The following LRP1B variants were observed in gnomAD, a reference collection of about 807,000 sequenced individuals.
LRP1B encodes the protein low-density lipoprotein receptor-related protein 1B.
LRP1B carries 217 observed loss-of-function variants against 556.6 expected under a neutral mutation model. That is an observed-to-expected ratio of 0.39 (90% CI 0.35 to 0.44). LRP1B has a LOEUF of 0.44. Ranked by LOEUF, LRP1B falls within the 20% of genes least tolerant of loss-of-function variation. The pLI is 1.00. For synonymous variants in LRP1B, 2,047 were observed against 1,865.8 expected (o/e 1.10, Z -2.50); for missense variants, 5,053 against 5,620.8 (o/e 0.90, Z 3.23).
At chr2:141,836,035 C>T (rs969935013) in intron 1 of LRP1B, among the ~76,000 whole-genome samples, 4 of 152,050 alleles carry the variant, frequency 2.6e-5, no homozygotes, top group African/African-American at 9.6e-5. Context: ...ATGGATTCTT[C>T]AGGACACATA....
intron 2 of LRP1B, among the ~76,000 whole-genome samples, chr2:141,746,701 C>T (rs995841403): frequency 6.6e-6 from 1 of 151,952 alleles, no homozygotes; most frequent in Non-Finnish European, 1.5e-5. Flanking sequence ...TGTTCCTGTC[C>T]AGGGGCATGG....
rs893405308 is a variant in LRP1B at position 140,501,678 on chromosome 2, A to C, written c.8850+9T>G. The C allele has an allele frequency of 7.0e-6, 11 of 1,564,422 alleles. No individual in the cohort carries two copies. The highest frequency in any genetic ancestry group is 9.5e-6 in the Non-Finnish European group (11 of 1,153,708). On this transcript the variant is annotated intron_variant, in intron 55 of 90. Transcript: ENST00000389484. ...ATCGTATGATTTGCTACTTTTGATG[A>C]GTACCTACCTTATAACTGACCGGAA...
intron 41 of LRP1B, among the ~76,000 whole-genome samples, chr2:140,674,222 T>C (rs1289198822): frequency 6.6e-6 from 1 of 152,146 alleles, no homozygotes; most frequent in Non-Finnish European, 1.5e-5. Context: ...AATGCTGAGA[T>C]TACAGGCATG....
intron 2 of LRP1B, among the ~76,000 whole-genome samples, chr2:141,593,921 G>T (rs1314287187): frequency 6.6e-6 from 1 of 152,096 alleles, no homozygotes; most frequent in Non-Finnish European, 1.5e-5. Flanking sequence ...CAAGCTAAAA[G>T]TTACGTCCTT....
Position 140,358,102 on chromosome 2 carries a change from T to G in LRP1B, c.11272A>C (p.Lys3758Gln). ...TCATCCTTTTTACAAGGCCTTGCTT[T>G]ATATGTCAGCTTACCTATAGAGTCA... ...EDHCGGKLTY[K>Q]ARPCKKDEFA... The change falls in exon 74 of 91, where the codon AAA becomes CAA. Residue 3758 changes from lysine to glutamine, a missense_variant. Around this residue, in one of 5 missense-constraint regions of LRP1B, gnomAD observed 599 missense variants for 648.4 expected, o/e 0.92. Coordinates refer to ENST00000389484, the MANE Select transcript of LRP1B (RefSeq NM_018557.3). 5.0e-6 allele frequency: 8 copies of G among 1,610,890 alleles called. No individual in the cohort carries two copies. Among genetic ancestry groups the G allele is most frequent in the Non-Finnish European group, 6.8e-6 (8 of 1,177,984 alleles).
At chr2:141,730,741 A>G (rs1414785539) in intron 2 of LRP1B, among the ~76,000 whole-genome samples, 1 of 152,170 alleles carries the variant, frequency 6.6e-6, no homozygotes, top group Non-Finnish European at 1.5e-5. Flanking sequence ...TTTGATTCAG[A>G]AGGTTATCCT....
intron 66 of LRP1B, among the ~76,000 whole-genome samples, chr2:140,402,227 G>A (rs990302664): frequency 5.3e-5 from 8 of 152,148 alleles, no homozygotes; most frequent in Non-Finnish European, 1.0e-4. Context: ...GCAGGCCTTG[G>A]GTTCCATATC....
At chr2:141,485,441 T>C (rs1269848214) in intron 2 of LRP1B, among the ~76,000 whole-genome samples, 1 of 152,164 alleles carries the variant, frequency 6.6e-6, no homozygotes, top group Admixed American at 6.6e-5. Flanking sequence ...TTCAGACCTC[T>C]TTGACCAGTG....
chr2:140,861,354 C>T (rs13026491), intron 27 of LRP1B, among the ~76,000 whole-genome samples: 23,402 of 152,126 alleles, frequency 0.15, 1,913 homozygotes, highest in Admixed American at 0.17. Flanking sequence ...TTGCAGTGAG[C>T]CAAGATCGTG....
chr2:141,568,017 C>T (rs1686396208), intron 2 of LRP1B, among the ~76,000 whole-genome samples: 2 of 150,522 alleles, frequency 1.3e-5, no homozygotes, highest in Admixed American at 1.3e-4. Context: ...TTCAGGCTTT[C>T]AACAAACATT....
intron 31 of LRP1B, among the ~76,000 whole-genome samples, chr2:140,819,971 T>G (rs1458281111): frequency 1.3e-5 from 2 of 152,150 alleles, no homozygotes; most frequent in African/African-American, 4.8e-5. Context: ...AAACTAATCT[T>G]CACACAATAA....
intron 2 of LRP1B, among the ~76,000 whole-genome samples, chr2:141,483,971 G>C (rs939221101): frequency 1.3e-5 from 2 of 151,852 alleles, no homozygotes; most frequent in African/African-American, 4.8e-5. Flanking sequence ...AGTTTAATTA[G>C]ATCCCACTTG....
chr2:140,978,325 G>C (rs16845065), intron 18 of LRP1B, among the ~76,000 whole-genome samples: 26,601 of 152,028 alleles, frequency 0.17, 2,557 homozygotes, highest in East Asian at 0.27. Context: ...CTAATCATAG[G>C]CTTTGCATGT....
At chr2:141,863,059 G>A (rs995404514) in intron 1 of LRP1B, among the ~76,000 whole-genome samples, 1 of 152,058 alleles carries the variant, frequency 6.6e-6, no homozygotes, top group African/African-American at 2.4e-5. Context: ...TAATTTCTTT[G>A]TGTTTCATTT....
At position 141,509,581 on chromosome 2, in the gene LRP1B, C is replaced by CA. The variant is rs1333316065; in HGVS notation, c.206-29049dup. On this transcript the variant is annotated intron_variant, in intron 2 of 90. Coordinates refer to ENST00000389484, the MANE Select transcript of LRP1B (RefSeq NM_018557.3). ...ACTAGAGCTCAAACAAACAAACAAA[C>CA]AAACAAAATGCCTTCCAAGTCAAAC... 3.0e-5 allele frequency among the ~76,000 whole-genome samples: 4 copies of CA among 133,986 alleles called. 1 individual carries two copies. The highest frequency in any genetic ancestry group is 8.3e-5 in the African/African-American group (3 of 35,986). 87.9% of individuals were successfully genotyped at this position (133,986 alleles called of 152,430 possible). A position where few individuals can be genotyped will look rare whatever the true frequency, so the allele number is the denominator to read the frequency against.
chr2:141,544,334 C>CTTCTTCTTCTT lies in LRP1B; in HGVS notation c.206-63812_206-63802dup, dbSNP rs1559131119. On this transcript the variant is annotated intron_variant, in intron 2 of 90. Transcript: ENST00000389484. ...TCTTCTTCTTCTTCTTCTTCTTCTTCTTCTTCTTCTTCTTCTTCTTCTTCT... is the reference window on the plus strand; with the variant it reads ...TCTTCTTCTTCTTCTTCTTCTTCTTCTTCTTCTTCTTTTCTTCTTCTTCTTCTTCTTCTTCT... Among the ~76,000 whole-genome samples the CTTCTTCTTCTT allele has an allele frequency of 2.0e-3, 130 of 66,394 alleles. 1 individual carries two copies. Among genetic ancestry groups the CTTCTTCTTCTT allele is most frequent in the South Asian group, 7.7e-3 (10 of 1,292 alleles). 43.6% of individuals were successfully genotyped at this position (66,394 alleles called of 152,430 possible).
chr2:141,397,682 T>G (rs1430112811), intron 3 of LRP1B, among the ~76,000 whole-genome samples: 5 of 151,898 alleles, frequency 3.3e-5, no homozygotes, highest in Admixed American at 6.6e-5. Context: ...TCTGAAATAC[T>G]TGGCATATTC....
intron 31 of LRP1B, among the ~76,000 whole-genome samples, chr2:140,824,575 A>G (rs188420678): frequency 2.5e-3 from 373 of 152,232 alleles, no homozygotes; most frequent in African/African-American, 8.4e-3. Context: ...GAAGTGTAAC[A>G]TTTCCAACTT....
At chr2:141,337,261 A>G (rs1024963430) in intron 3 of LRP1B, among the ~76,000 whole-genome samples, 76 of 152,248 alleles carry the variant, frequency 5.0e-4, no homozygotes, top group African/African-American at 1.8e-3. Context: ...GTGGTATGTC[A>G]TCCTGTTTTT....
Sources: allele counts gnomAD v4.1 joint callset (sites outside exome capture counted in the v4.1 genomes callset), GRCh38; gene constraint gnomAD v4.1.1; regional missense constraint gnomAD v4.1.1; transcripts MANE v1.5; gene names NCBI Gene and HGNC (gene_info 2026-07-23, HGNC 2026-07-21).